PCDHA4: variants seen among roughly 807,000 people sequenced by gnomAD.
The protein encoded by PCDHA4 is protocadherin alpha 4.
In PCDHA4, 49 loss-of-function variants were observed where a neutral mutation model predicts 61.4. The ratio of observed to expected loss-of-function variants is 0.80; its 90% CI spans 0.63 to 1.01. The LOEUF (loss-of-function observed/expected upper bound fraction) is 1.01, where lower values mean the gene tolerates loss of function less well. PCDHA4 is among the 50% of genes least tolerant of loss of function. The pLI, the probability that PCDHA4 is intolerant of heterozygous loss-of-function variation, is 0.00. For missense variants in PCDHA4, 1,254 were observed against 1,235.8 expected (o/e 1.01, Z -0.22); for synonymous variants, 590 against 550.3 (o/e 1.07, Z -1.01).
chr5:140,966,705 G>A, intron 1 of PCDHA4: 1 of 1,379,198 alleles, frequency 7.3e-7, no homozygotes, highest in Non-Finnish European at 9.3e-7. Context: ...CGGGCGTGGG[G>A]CACGGCTGGG....
chr5:140,849,743 G>A lies in PCDHA4; in HGVS notation c.2385+40171G>A, dbSNP rs1554143245. ...TGCTGGACAGAGCTCTGGACCGCGA[G>A]AGTGTGTCCGCCTACGAGCTGGTGG... On this transcript the variant is annotated intron_variant, in intron 1 of 3. Transcript: ENST00000530339. 4 of 1,598,390 alleles carry A rather than the reference G, an allele frequency of 2.5e-6. No individual in the cohort carries two copies. The Admixed American group carries it at 6.7e-5, about 27-fold the overall frequency.
At chr5:140,843,133 C>A (rs2150353566) in intron 1 of PCDHA4, 4 of 1,595,862 alleles carry the variant, frequency 2.5e-6, no homozygotes, top group African/African-American at 2.7e-5. Context: ...CGGGCTACAA[C>A]GCGTGGCTTT....
chr5:140,859,139 T>G (rs2045740585), intron 1 of PCDHA4: 1 of 150,214 alleles, frequency 6.7e-6, no homozygotes, highest in African/African-American at 2.4e-5. Context: ...TTACATAATT[T>G]TATCCAGTAG....
intron 1 of PCDHA4, chr5:140,828,559 C>A (rs2150156735): frequency 8.1e-6 from 13 of 1,614,056 alleles, no homozygotes; most frequent in Non-Finnish European, 1.1e-5. Flanking sequence ...CACTGGAGGG[C>A]GCGTCCGATG....
At chr5:140,834,317 G>A in intron 1 of PCDHA4, 4 of 1,393,006 alleles carry the variant, frequency 2.9e-6, no homozygotes, top group South Asian at 1.4e-5. Context: ...GAAATGAAGG[G>A]ATAAAAACAT....
At chr5:140,823,022 G>C (rs2150121386) in intron 1 of PCDHA4, 1 of 1,614,234 alleles carries the variant, frequency 6.2e-7, no homozygotes, top group Non-Finnish European at 8.5e-7. Flanking sequence ...GACCGCGAGA[G>C]CGTGTCGGTC....
At chr5:140,843,313 G>T (rs1554139942) in intron 1 of PCDHA4, 3 of 1,595,962 alleles carry the variant, frequency 1.9e-6, no homozygotes, top group Admixed American at 1.7e-5. Context: ...CCACGGCCAC[G>T]GTTCTGGTGT....
chr5:140,879,838 A>G (rs73793511), intron 1 of PCDHA4, among the ~76,000 whole-genome samples: 3,913 of 152,230 alleles, frequency 0.026, 159 homozygotes, highest in African/African-American at 0.089. Flanking sequence ...TTGTGGCTGT[A>G]CCACTCCCAT....
At chr5:140,916,825 C>T (rs2077750975) in intron 1 of PCDHA4, among the ~76,000 whole-genome samples, 1 of 152,144 alleles carries the variant, frequency 6.6e-6, no homozygotes, top group Non-Finnish European at 1.5e-5. Context: ...CCACCCCTAT[C>T]CCTCTGGTTC....
At position 140,871,521 on chromosome 5, in the gene PCDHA4, C is replaced by T. The variant is rs1554165698; in HGVS notation, c.2385+61949C>T. 3.2e-6 allele frequency: 5 copies of T among 1,553,236 alleles called. No individual in the cohort carries two copies. In the Admixed American group the frequency reaches 1.0e-4, roughly 31 times the overall value. On this transcript the variant is annotated intron_variant, in intron 1 of 3. Transcript: ENST00000530339. ...TGAGTTTTCTACAGATTCCACCTAT[C>T]AGGAAGTGTATGTGAAATTATTTAA...
intron 1 of PCDHA4, among the ~76,000 whole-genome samples, chr5:140,837,876 G>A (rs1434787850): frequency 2.6e-5 from 4 of 151,526 alleles, no homozygotes; most frequent in African/African-American, 9.7e-5. Flanking sequence ...ACAGGGTGGA[G>A]TCTTGTTTCC....
chr5:140,993,177 C>A lies in PCDHA4; in HGVS notation c.2533+10614C>A, dbSNP rs551395516. ...CTAAATATTTGCCTTTGGGAAATTTCTTTAGAGGGAAACTCACTAAAGCTA... is the reference window on the plus strand; with the variant it reads ...CTAAATATTTGCCTTTGGGAAATTTATTTAGAGGGAAACTCACTAAAGCTA... On this transcript the variant is annotated intron_variant, in intron 3 of 3. Transcript: ENST00000530339. 6.6e-5 allele frequency among the ~76,000 whole-genome samples: 10 copies of A among 152,258 alleles called. No homozygotes were observed. In the East Asian group the frequency reaches 1.9e-3, roughly 29 times the overall value.
intron 1 of PCDHA4, chr5:140,968,473 G>T (rs1389339011): frequency 6.2e-7 from 1 of 1,613,980 alleles, no homozygotes; most frequent in African/African-American, 1.3e-5. Context: ...ACGTATATGT[G>T]GTGGACATGA....
chr5:140,946,634 A>ATATATATAT (rs1554217761), intron 1 of PCDHA4, among the ~76,000 whole-genome samples: 5 of 147,332 alleles, frequency 3.4e-5, no homozygotes, highest in African/African-American at 7.7e-5. Flanking sequence ...ATATATATAC[A>ATATATATAT]ATGGAATACT....
intron 1 of PCDHA4, among the ~76,000 whole-genome samples, chr5:140,962,807 C>T (rs1463442901): frequency 5.3e-5 from 8 of 152,220 alleles, no homozygotes; most frequent in Non-Finnish European, 1.0e-4. Flanking sequence ...CAACTCTAAA[C>T]ATCAGAGATG....
In PCDHA4 at chr5:140,834,653, C is replaced by G. The variant is rs2150223480; in HGVS notation, c.2385+25081C>G. The stretch of plus-strand genomic sequence containing the variant: ...GCATTTTGTTTGTGAATTCTCGGAT[C>G]GACCGCGAGGAGCTGTGCGGGCGGA... On this transcript the variant is annotated intron_variant, in intron 1 of 3. Coordinates refer to ENST00000530339, the MANE Select transcript of PCDHA4 (RefSeq NM_018907.4). 2.5e-6 allele frequency: 4 copies of G among 1,614,190 alleles called. No homozygotes were observed. In the East Asian group the frequency reaches 6.7e-5, roughly 27 times the overall value.
chr5:140,917,131 G>A (rs572644426), intron 1 of PCDHA4, among the ~76,000 whole-genome samples: 28 of 152,190 alleles, frequency 1.8e-4, no homozygotes, highest in African/African-American at 5.8e-4. Context: ...GACTCCCCAC[G>A]TTGCTCAGCT....
intron 1 of PCDHA4, among the ~76,000 whole-genome samples, chr5:140,961,917 T>G (rs2095643057): frequency 6.6e-6 from 1 of 151,470 alleles, no homozygotes; most frequent in Non-Finnish European, 1.5e-5. Flanking sequence ...GGAGTCTCGC[T>G]CTGTTGCCCA....
chr5:140,883,575 G>A (rs782472492), intron 1 of PCDHA4: 2 of 1,614,072 alleles, frequency 1.2e-6, no homozygotes, highest in Non-Finnish European at 1.7e-6. Flanking sequence ...CCTTCGCTGT[G>A]GGCCACGGCC....
Sources: allele counts gnomAD v4.1 joint callset (sites outside exome capture counted in the v4.1 genomes callset), GRCh38; gene constraint gnomAD v4.1.1; transcripts MANE v1.5; gene names NCBI Gene and HGNC (gene_info 2026-07-23, HGNC 2026-07-21).